Variants in HS3ST3B1 observed in about 807,000 individuals in gnomAD.
HS3ST3B1 encodes the protein heparan sulfate glucosamine 3-O-sulfotransferase 3B1.
HS3ST3B1 carries 13 observed loss-of-function variants against 21.3 expected under a neutral mutation model. That is an observed-to-expected ratio of 0.61 (90% CI 0.40 to 0.97). HS3ST3B1 has a LOEUF of 0.97. Ranked by LOEUF, HS3ST3B1 falls within the 50% of genes least tolerant of loss-of-function variation. The pLI, the probability that HS3ST3B1 is intolerant of heterozygous loss-of-function variation, is 0.00. For synonymous variants in HS3ST3B1, 234 were observed against 254.8 expected (o/e 0.92, Z 0.78); for missense variants, 459 against 554.8 (o/e 0.83, Z 1.73).
chr17:14,301,290 G>C lies in HS3ST3B1; in HGVS notation c.-229G>C, dbSNP rs1908906484. ...GCAGTTACCGCCGTCCCGACTTTCCGTTCCAGTTGCAGCTCCTGCCGGGCA... is the reference window on the plus strand; with the variant it reads ...GCAGTTACCGCCGTCCCGACTTTCCCTTCCAGTTGCAGCTCCTGCCGGGCA... On this transcript the variant is annotated 5_prime_UTR_variant, in exon 1 of 2. Coordinates refer to ENST00000360954, the MANE Select transcript of HS3ST3B1 (RefSeq NM_006041.3). The C allele has an allele frequency of 2.0e-6, 1 of 490,584 alleles. No individual in the cohort carries two copies. Among genetic ancestry groups the C allele is most frequent in the South Asian group, 3.5e-5 (1 of 28,256 alleles). The allele number at this position is 490,584 out of a possible 1,614,324, so 30.4% of individuals were successfully genotyped here.
chr17:14,301,547 C>T lies in HS3ST3B1; in HGVS notation c.29C>T (p.Ser10Phe). ...GGGCAGCGCCTGAGTGGCGGCAGAT[C>T]TTGCCTCGATGTCCCCGGCCGGCTC... MGQRLSGGRSCLDVPGRLLP... is the reference protein window; with the variant it reads MGQRLSGGRFCLDVPGRLLP... Residue 10 changes from serine to phenylalanine, a missense_variant, in exon 1 of 2, where the codon TCT becomes TTT. Physicochemically the swap from Ser to Phe is radical, Grantham distance 155. Around this residue, in one of 3 missense-constraint regions of HS3ST3B1, gnomAD observed 317 missense variants for 278.6 expected, o/e 1.14. Transcript: ENST00000360954. 6.3e-7 allele frequency: 1 copy of T among 1,582,276 alleles called. No individual in the cohort carries two copies. The highest frequency in any genetic ancestry group is 8.5e-7 in the Non-Finnish European group (1 of 1,172,288).
chr17:14,304,067 C>T (rs1324846363), intron 1 of HS3ST3B1: 1 of 152,254 alleles, frequency 6.6e-6, no homozygotes, highest in Non-Finnish European at 1.5e-5. Context: ...TGGAAACCCT[C>T]GCCGCGCGCC....
At position 14,303,074 on chromosome 17, in the gene HS3ST3B1, G is replaced by A. The variant is rs895639105; in HGVS notation, c.554+1002G>A. 1.3e-5 allele frequency among the ~76,000 whole-genome samples: 2 copies of A among 152,162 alleles called. No individual in the cohort carries two copies. Among genetic ancestry groups the A allele is most frequent in the Non-Finnish European group, 1.5e-5 (1 of 68,038 alleles). ...CAGCTGCTGGTCTTTGGGGTGAGCT[G>A]TTGGGTTGCCCGAGCTTCGGGTAAG... On this transcript the variant is annotated intron_variant, in intron 1 of 1. Transcript: ENST00000360954. This position sits in a 1 kb window ranked among gnomAD's most constrained non-coding sequence, Gnocchi z 5.7.
In HS3ST3B1 at chr17:14,341,750, G is replaced by A. The variant is rs983770195; in HGVS notation, c.555-3278G>A. On this transcript the variant is annotated intron_variant, in intron 1 of 1. Transcript: ENST00000360954. ...CTTGGGGTTTGGTATTCCTTCAATC[G>A]TGGTGATAATGCTTTGATTCTGAAT... Among the ~76,000 whole-genome samples the A allele has an allele frequency of 1.2e-4, 18 of 152,166 alleles. 1 individual carries two copies. The highest frequency in any genetic ancestry group is 7.2e-4 in the Admixed American group (11 of 15,284).
chr17:14,314,808 G>A (rs917207717), intron 1 of HS3ST3B1, among the ~76,000 whole-genome samples: 1 of 152,184 alleles, frequency 6.6e-6, no homozygotes, highest in Non-Finnish European at 1.5e-5. Flanking sequence ...TTTGTTACCA[G>A]AGTGGGGAGC....
chr17:14,302,661 G>C (rs970253793), intron 1 of HS3ST3B1, among the ~76,000 whole-genome samples: 2 of 152,032 alleles, frequency 1.3e-5, no homozygotes, highest in African/African-American at 4.8e-5. Context: ...GGCTCGGGAG[G>C]GTGAGCCGGG....
At chr17:14,338,881 A>G (rs941364347) in intron 1 of HS3ST3B1, among the ~76,000 whole-genome samples, 3 of 152,172 alleles carry the variant, frequency 2.0e-5, no homozygotes, top group African/African-American at 7.2e-5. Context: ...TGTGCTTGTC[A>G]TCCCCAAATC....
intron 1 of HS3ST3B1, chr17:14,304,920 G>A (rs1173963123): frequency 1.3e-5 from 2 of 152,160 alleles, no homozygotes; most frequent in African/African-American, 4.8e-5. Flanking sequence ...AGTCGTTAAT[G>A]GGTTTAATCG....
intron 1 of HS3ST3B1, among the ~76,000 whole-genome samples, chr17:14,315,665 A>G (rs1909475039): frequency 1.3e-5 from 2 of 152,120 alleles, no homozygotes; most frequent in Admixed American, 6.5e-5. Flanking sequence ...TCTGCTAAAA[A>G]TACAAAAATG....
rs944579337 is a variant in HS3ST3B1 at position 14,303,877 on chromosome 17, G to A, written c.554+1805G>A. 4 of 152,312 alleles carry A rather than the reference G, an allele frequency of 2.6e-5. No individual in the cohort carries two copies. Among genetic ancestry groups the A allele is most frequent in the African/African-American group, 9.6e-5 (4 of 41,456 alleles). 9.4% of individuals were successfully genotyped at this position (152,312 alleles called of 1,614,324 possible). A position where few individuals can be genotyped will look rare whatever the true frequency, so the allele number is the denominator to read the frequency against. ...TTCTGAGATCAGACACACTTGGGCCGGGTTGGGAGGAACTGGCAGGAAAAG... is the reference window on the plus strand; with the variant it reads ...TTCTGAGATCAGACACACTTGGGCCAGGTTGGGAGGAACTGGCAGGAAAAG... On this transcript the variant is annotated intron_variant, in intron 1 of 1. Coordinates refer to ENST00000360954, the MANE Select transcript of HS3ST3B1 (RefSeq NM_006041.3). The surrounding 1 kb of genome is among the most constrained non-coding windows in gnomAD (Gnocchi z 5.7).
chr17:14,328,736 A>G (rs1210616998), intron 1 of HS3ST3B1: 1 of 152,186 alleles, frequency 6.6e-6, no homozygotes, highest in Non-Finnish European at 1.5e-5. Context: ...AAGGTGGCAC[A>G]CACCTGTAAT....
chr17:14,313,816 AGCCTTG>A, intron 1 of HS3ST3B1, among the ~76,000 whole-genome samples: 1 of 150,394 alleles, frequency 6.6e-6, no homozygotes, highest in African/African-American at 2.4e-5. Context: ...CTGATCCACC[AGCCTTG>A]GCCTCACAAA....
intron 1 of HS3ST3B1, among the ~76,000 whole-genome samples, chr17:14,324,207 C>A (rs1260972383): frequency 6.6e-6 from 1 of 152,120 alleles, no homozygotes. Context: ...TATAACATTT[C>A]TTGGATGAAC....
At chr17:14,313,669 C>G (rs1909406871) in intron 1 of HS3ST3B1, among the ~76,000 whole-genome samples, 1 of 152,012 alleles carries the variant, frequency 6.6e-6, no homozygotes, top group Admixed American at 6.6e-5. Flanking sequence ...CTTCCAGGTT[C>G]AAGTGATTCT....
Position 14,301,509 on chromosome 17 carries a change from C to A in HS3ST3B1, c.-10C>A. The A allele has an allele frequency of 6.6e-7, 1 of 1,509,966 alleles. No homozygotes were observed. Among genetic ancestry groups the A allele is most frequent in the Non-Finnish European group, 8.8e-7 (1 of 1,138,976 alleles). The allele number at this position is 1,509,966 out of a possible 1,614,324, so 93.5% of individuals were successfully genotyped here. A position where few individuals can be genotyped will look rare whatever the true frequency, so the allele number is the denominator to read the frequency against. On this transcript the variant is annotated 5_prime_UTR_variant, in exon 1 of 2. Transcript: ENST00000360954. ...TGAGCCATGTCCCTGGCCGCGCCCGCGGGCAGCGCATGGGGCAGCGCCTGA... is the reference window on the plus strand; with the variant it reads ...TGAGCCATGTCCCTGGCCGCGCCCGAGGGCAGCGCATGGGGCAGCGCCTGA...
At position 14,346,792 on chromosome 17, in the gene HS3ST3B1, G is replaced by C. The variant is rs1214162895; in HGVS notation, c.*1146G>C. 1 of 152,228 alleles carries C rather than the reference G, an allele frequency of 6.6e-6. No homozygotes were observed. The highest frequency in any genetic ancestry group is 1.9e-4 in the East Asian group (1 of 5,198). The allele number at this position is 152,228 out of a possible 1,614,324, so 9.4% of individuals were successfully genotyped here. ...CCATGCTGCGTTCCCCAGGCAGACA[G>C]TTCTGCTTTGACACACCAAAGAATC... On this transcript the variant is annotated 3_prime_UTR_variant, in exon 2 of 2. Transcript: ENST00000360954.
intron 1 of HS3ST3B1, 100 bp downstream of exon 1, chr17:14,302,172 G>A (rs1908957888): frequency 2.2e-6 from 3 of 1,372,454 alleles, no homozygotes; most frequent in Non-Finnish European, 2.9e-6. Flanking sequence ...TTACAGCTTC[G>A]GACCACCCGG....
In HS3ST3B1 at chr17:14,346,897, A is replaced by C. The variant is rs983161852; in HGVS notation, c.*1251A>C. On this transcript the variant is annotated 3_prime_UTR_variant, in exon 2 of 2. Coordinates refer to ENST00000360954, the MANE Select transcript of HS3ST3B1 (RefSeq NM_006041.3). ...AGAGGGGTCAGCTGTGTCCCTCGGC[A>C]TCAGCGTCTACCAAGGTGCTGCTAG... 1 of 152,206 alleles carries C rather than the reference A, an allele frequency of 6.6e-6. No homozygotes were observed. The highest frequency in any genetic ancestry group is 1.5e-5 in the Non-Finnish European group (1 of 68,072). The allele number at this position is 152,206 out of a possible 1,614,324, so 9.4% of individuals were successfully genotyped here.
intron 1 of HS3ST3B1, among the ~76,000 whole-genome samples, chr17:14,302,374 C>T (rs1268757141): frequency 1.3e-5 from 2 of 152,200 alleles, no homozygotes; most frequent in African/African-American, 4.8e-5. Flanking sequence ...AAGCGAGCCA[C>T]CCTCTAACCA....
Sources: allele counts gnomAD v4.1 joint callset (sites outside exome capture counted in the v4.1 genomes callset), GRCh38; gene constraint gnomAD v4.1.1; regional missense constraint gnomAD v4.1.1; non-coding constraint Gnocchi (gnomAD v3.1); transcripts MANE v1.5; gene names NCBI Gene and HGNC (gene_info 2026-07-23, HGNC 2026-07-21).